The following PCDH15 variants were observed in gnomAD, a reference collection of about 807,000 sequenced individuals.
The protein encoded by PCDH15 is protocadherin-15.
A neutral mutation model predicts 178.5 loss-of-function variants in PCDH15; 129 were observed. That is an observed-to-expected ratio of 0.72 (90% confidence interval 0.63 to 0.84). PCDH15 has a LOEUF of 0.84. Ranked by LOEUF, PCDH15 falls within the 40% of genes least tolerant of loss-of-function variation. The pLI is 0.00. For missense variants in PCDH15, 2,230 were observed against 2,099.9 expected (o/e 1.06, Z -1.21); for synonymous variants, 800 against 732.0 (o/e 1.09, Z -1.50).
At chr10:54,713,626 TAATC>T (rs1341055198) in intron 1 of PCDH15, among the ~76,000 whole-genome samples, 1 of 152,108 alleles carries the variant, frequency 6.6e-6, no homozygotes, top group African/African-American at 2.4e-5. Flanking sequence ...TCTGGGCAAA[TAATC>T]AATATGTCTA....
At chr10:54,244,263 A>G (rs1047915741) in intron 8 of PCDH15, among the ~76,000 whole-genome samples, 2 of 152,108 alleles carry the variant, frequency 1.3e-5, no homozygotes, top group Non-Finnish European at 2.9e-5. Flanking sequence ...GTATCCTCTC[A>G]ATTGCATATT....
chr10:55,024,150 TATATAGAGAG>T lies in PCDH15; in HGVS notation c.-79-126660_-79-126651del, dbSNP rs1173216236. Among the ~76,000 whole-genome samples, 5 of 146,750 alleles carry T rather than the reference TATATAGAGAG, an allele frequency of 3.4e-5. No homozygotes were observed. In the East Asian group the frequency reaches 1.1e-3, roughly 31 times the overall value. ...ATATATATATATATAGGAAGGAATA[TATATAGAGAG>T]AGGAAGGAATATATATAGAGAGAGG... On this transcript the variant is annotated intron_variant, in intron 2 of 5. Coordinates refer to the PCDH15 transcript ENST00000458638.
chr10:54,509,799 C>A (rs546063959), intron 3 of PCDH15, among the ~76,000 whole-genome samples: 1 of 152,228 alleles, frequency 6.6e-6, no homozygotes, highest in African/African-American at 2.4e-5. Flanking sequence ...TCATCAATAC[C>A]CAATTTTAGC....
intron 2 of PCDH15, among the ~76,000 whole-genome samples, chr10:55,564,955 A>G (rs529672021): frequency 6.6e-6 from 1 of 151,832 alleles, no homozygotes; most frequent in East Asian, 1.9e-4. Context: ...GAAGATAAGT[A>G]AAGAAATAAA....
At chr10:54,071,613 T>C (rs1276346610) in intron 17 of PCDH15, among the ~76,000 whole-genome samples, 4 of 152,180 alleles carry the variant, frequency 2.6e-5, no homozygotes. Flanking sequence ...TTATATTAGA[T>C]GATTGAAATT....
intron 19 of PCDH15, among the ~76,000 whole-genome samples, chr10:54,021,008 G>A (rs1042765796): frequency 1.3e-5 from 2 of 151,934 alleles, no homozygotes; most frequent in African/African-American, 2.4e-5. Context: ...TAGTAGTTAC[G>A]CACAAGGTGC....
At position 55,094,191 on chromosome 10, in the gene PCDH15, A is replaced by G. The variant is rs540082187; in HGVS notation, c.-80+72385T>C. Among the ~76,000 whole-genome samples the G allele has an allele frequency of 5.3e-4, 80 of 152,262 alleles. 1 individual carries two copies. Among genetic ancestry groups the G allele is most frequent in the Admixed American group, 7.2e-4 (11 of 15,286 alleles). On this transcript the variant is annotated intron_variant, in intron 2 of 5. Transcript: ENST00000458638. Reference sequence around the variant, plus strand: ...GATTAAGAACATGTGGCACATATACACCATGGAATACTATGCAGCCATAAA... The same window carrying G: ...GATTAAGAACATGTGGCACATATACGCCATGGAATACTATGCAGCCATAAA...
chr10:54,263,212 G>T (rs1332391300), intron 8 of PCDH15, among the ~76,000 whole-genome samples: 1 of 152,152 alleles, frequency 6.6e-6, no homozygotes, highest in Non-Finnish European at 1.5e-5. Context: ...GGTCTCTGGA[G>T]AGTTGTGTCC....
intron 25 of PCDH15, among the ~76,000 whole-genome samples, chr10:53,938,031 G>C (rs2085727707): frequency 6.6e-6 from 1 of 152,128 alleles, no homozygotes; most frequent in African/African-American, 2.4e-5. Context: ...ATTACAAAAA[G>C]ATGATTGCTT....
intron 2 of PCDH15, among the ~76,000 whole-genome samples, chr10:54,560,335 T>C (rs2087936986): frequency 6.6e-6 from 1 of 152,122 alleles, no homozygotes; most frequent in Non-Finnish European, 1.5e-5. Context: ...AAAGTGAGTG[T>C]TCCTGAGTGC....
intron 2 of PCDH15, among the ~76,000 whole-genome samples, chr10:54,977,724 C>A (rs1386551888): frequency 2.6e-5 from 4 of 152,056 alleles, no homozygotes; most frequent in Admixed American, 6.6e-5. Context: ...TGTGGACTTC[C>A]CTGAATTCTT....
intron 3 of PCDH15, among the ~76,000 whole-genome samples, chr10:54,424,033 G>C (rs1955900392): frequency 1.3e-5 from 2 of 151,808 alleles, no homozygotes; most frequent in African/African-American, 2.4e-5. Context: ...TTAAACTACA[G>C]AGCTTCTGCA....
intron 2 of PCDH15, among the ~76,000 whole-genome samples, chr10:55,078,680 A>C (rs1181146195): frequency 2.0e-5 from 3 of 151,826 alleles, no homozygotes; most frequent in Non-Finnish European, 2.9e-5. Context: ...GGTTCTGTGG[A>C]TAAATTTTTT....
intron 25 of PCDH15, among the ~76,000 whole-genome samples, chr10:53,927,968 A>G (rs985521940): frequency 7.9e-5 from 12 of 151,914 alleles, no homozygotes; most frequent in African/African-American, 2.9e-4. Flanking sequence ...AGTTGATCTG[A>G]AAAACAATGT....
intron 32 of PCDH15, among the ~76,000 whole-genome samples, chr10:53,820,778 C>T (rs530536895): frequency 1.1e-4 from 17 of 152,014 alleles, no homozygotes; most frequent in Middle Eastern, 3.4e-3. Context: ...TGATGCTGTT[C>T]GAATTTAACA....
chr10:54,101,755 A>G (rs2094816269), intron 15 of PCDH15, among the ~76,000 whole-genome samples: 1 of 152,098 alleles, frequency 6.6e-6, no homozygotes, highest in Admixed American at 6.6e-5. Context: ...TTATATGTGG[A>G]TAGGAGTTTA....
At chr10:54,362,798 G>A (rs1946248963) in intron 5 of PCDH15, among the ~76,000 whole-genome samples, 1 of 152,018 alleles carries the variant, frequency 6.6e-6, no homozygotes, top group African/African-American at 2.4e-5. Context: ...GTCATATAAT[G>A]AATAAATACA....
At chr10:54,296,947 T>C (rs1039902201) in intron 8 of PCDH15, among the ~76,000 whole-genome samples, 1 of 151,856 alleles carries the variant, frequency 6.6e-6, no homozygotes, top group Admixed American at 6.6e-5. Flanking sequence ...TTTTCTAGAA[T>C]GCATTGGTAA....
intron 2 of PCDH15, among the ~76,000 whole-genome samples, chr10:55,014,069 GC>G (rs1310188100): frequency 6.6e-6 from 1 of 151,908 alleles, no homozygotes; most frequent in Non-Finnish European, 1.5e-5. Context: ...AAGGCAAAAG[GC>G]AAAAGTAAGA....
Sources: allele counts gnomAD v4.1 joint callset (sites outside exome capture counted in the v4.1 genomes callset), GRCh38; gene constraint gnomAD v4.1.1; transcripts MANE v1.5; gene names NCBI Gene and HGNC (gene_info 2026-07-23, HGNC 2026-07-21).